Variants in GBA2 observed in about 807,000 individuals in gnomAD.
GBA2 encodes the protein non-lysosomal glucosylceramidase.
In GBA2, 79 loss-of-function variants were observed where a neutral mutation model predicts 112.9. The observed-to-expected ratio is 0.70, with a 90% confidence interval of 0.58 to 0.84. The LOEUF (loss-of-function observed/expected upper bound fraction) is 0.84. Among genes scored for constraint, GBA2 ranks in the 40% least tolerant of loss-of-function variants. The pLI is 0.00. For synonymous variants in GBA2, 403 were observed against 434.3 expected, an observed-to-expected ratio of 0.93 and a Z score of 0.90; for missense variants, 1,043 against 1,190.0, an observed-to-expected ratio of 0.88 and a Z score of 1.82.
chr9:35,744,791 C>A (rs1267437880), intron 1 of GBA2, 85 bp from the exon 2 acceptor site: 1 of 764,484 alleles, frequency 1.3e-6, no homozygotes, highest in African/African-American at 1.7e-5. Context: ...TCTGTGACCT[C>A]CCATTAAATG....
In GBA2 at chr9:35,737,101, G is replaced by C. The variant is rs1167565082; in HGVS notation, c.*68C>G. 3.2e-6 allele frequency: 5 copies of C among 1,552,004 alleles called. No homozygotes were observed. The highest frequency in any genetic ancestry group is 2.2e-5 in the East Asian group (1 of 44,452). On this transcript the variant is annotated 3_prime_UTR_variant, in exon 17 of 17. Coordinates refer to ENST00000378103, the MANE Select transcript of GBA2 (RefSeq NM_020944.3). This position sits in a 1 kb window ranked among gnomAD's most constrained non-coding sequence, Gnocchi z 4.1. Reference sequence around the variant, plus strand: ...ATGGCTCAGGGTTGCAGGAGGTTCAGAGGGGAAGGAGGAAAGGCCAGGCTG... The same window carrying C: ...ATGGCTCAGGGTTGCAGGAGGTTCACAGGGGAAGGAGGAAAGGCCAGGCTG...
Position 35,737,387 on chromosome 9 carries a change from G to A in GBA2, c.2566C>T (p.Leu856=). The A allele has an allele frequency of 1.2e-6, 2 of 1,614,180 alleles. No homozygotes were observed. Among genetic ancestry groups the A allele is most frequent in the Non-Finnish European group, 8.5e-7 (1 of 1,180,014 alleles). The change falls in exon 17 of 17, where the codon CTG becomes TTG. Residue 856 remains leucine (L), a synonymous_variant. Transcript: ENST00000378103. The surrounding 1 kb of genome is among the most constrained non-coding windows in gnomAD (Gnocchi z 4.1). The part of the protein sequence containing the change: ...EGCYRTVWER[L]GLAFQTPEAY... ...TCTGGGGTCTGGAAGGCCAGACCCA[G>A]GCGCTCCCACACGGTACGGTAGCAG...
At chr9:35,738,711 C>A (rs199991178) in intron 12 of GBA2, 41 bp downstream of exon 12, 1 of 1,611,488 alleles carries the variant, frequency 6.2e-7, no homozygotes, top group Non-Finnish European at 8.5e-7. Flanking sequence ...AGACACCAAC[C>A]ATACCCCTGG....
chr9:35,738,200 G>T, intron 14 of GBA2, 32 bp downstream of exon 14: 1 of 1,613,742 alleles, frequency 6.2e-7, no homozygotes, highest in Non-Finnish European at 8.5e-7. Context: ...CCTCTCAGCT[G>T]CCTTAAGACT....
chr9:35,743,732 A>G (rs1276084301), intron 3 of GBA2, among the ~76,000 whole-genome samples: 1 of 152,208 alleles, frequency 6.6e-6, no homozygotes, highest in Non-Finnish European at 1.5e-5. Context: ...ATGCAGGAGC[A>G]AAAGGAAAAA....
In GBA2 at chr9:35,740,090, A is replaced by G. The variant is rs1375794123; in HGVS notation, c.1317T>C (p.Asp439=). 4 of 1,614,054 alleles carry G rather than the reference A, an allele frequency of 2.5e-6. No homozygotes were observed. Among genetic ancestry groups the G allele is most frequent in the East Asian group, 4.5e-5 (2 of 44,862 alleles). ...CATAGTGGCTGAGGGCAGGTGCTGC[A>G]TCTCCATCCTGGCCAAAGAACCTTG... is the stretch of plus-strand genomic sequence containing the variant. ...RYTRFFGQDG[D]AAPALSHYAL... is the part of the protein sequence containing the mutation. The change falls in exon 8 of 17, where the codon GAT becomes GAC. Residue 439 remains aspartate, a synonymous_variant. Coordinates refer to ENST00000378103, the MANE Select transcript of GBA2 (RefSeq NM_020944.3). The surrounding 1 kb of genome is among the most constrained non-coding windows in gnomAD (Gnocchi z 4.7).
rs771603994 is a variant in GBA2 at position 35,748,550 on chromosome 9, C to T, written c.155G>A (p.Arg52Gln). The T allele has an allele frequency of 6.2e-7, 1 of 1,614,032 alleles. No homozygotes were observed. The highest frequency in any genetic ancestry group is 1.3e-5 in the African/African-American group (1 of 74,916). ...GCAGCAGTCCGTCTCTTTTGGGGGT[C>T]GGCTGTCTTCGGGACTCTTACAGTC... The part of the protein sequence containing the change: ...VTDCKSPEDS[R>Q]PPKETDCCNP... The change falls in exon 1 of 17, where the codon CGA (arginine) becomes CAA (glutamine). Residue 52 changes from arginine (R) to glutamine (Q), a missense_variant. Coordinates refer to ENST00000378103, the MANE Select transcript of GBA2 (RefSeq NM_020944.3).
chr9:35,740,434 A>T lies in GBA2; in HGVS notation c.1130-72T>A. 1.3e-6 allele frequency: 2 copies of T among 1,585,538 alleles called. No homozygotes were observed. ...AGGGATAGGGATCCCTAACATGGAAACAAGGCCTACTTATTACCAGGCCTC... is the reference window on the plus strand; with the variant it reads ...AGGGATAGGGATCCCTAACATGGAATCAAGGCCTACTTATTACCAGGCCTC... On this transcript the variant is annotated intron_variant, in intron 6 of 16. Transcript: ENST00000378103. This position sits in a 1 kb window ranked among gnomAD's most constrained non-coding sequence, Gnocchi z 4.7.
chr9:35,749,152 G>C lies in GBA2; in HGVS notation c.-448C>G, dbSNP rs1224138041. Reference sequence around the variant, plus strand: ...GCCAGGTCCCGCCGGCCGGCTCCGGGGCAGCGCCCGCGCCCAGGTGCCAGC... The same window carrying C: ...GCCAGGTCCCGCCGGCCGGCTCCGGCGCAGCGCCCGCGCCCAGGTGCCAGC... On this transcript the variant is annotated 5_prime_UTR_variant, in exon 1 of 17. Coordinates refer to ENST00000378103, the MANE Select transcript of GBA2 (RefSeq NM_020944.3). The surrounding 1 kb of genome is among the most constrained non-coding windows in gnomAD (Gnocchi z 4.4). The C allele has an allele frequency of 3.5e-6, 1 of 283,246 alleles. No homozygotes were observed. Among genetic ancestry groups the C allele is most frequent in the East Asian group, 1.7e-4 (1 of 6,008 alleles). 17.5% of individuals were successfully genotyped at this position (283,246 alleles called of 1,614,324 possible). A position where few individuals can be genotyped will look rare whatever the true frequency, so the allele number is the denominator to read the frequency against.
Position 35,741,973 on chromosome 9 carries a change from C to G in GBA2, c.568-83G>C. The G allele has an allele frequency of 1.2e-6, 1 of 855,426 alleles. No individual in the cohort carries two copies. The highest frequency in any genetic ancestry group is 1.9e-6 in the Non-Finnish European group (1 of 517,640). 53.0% of individuals were successfully genotyped at this position (855,426 alleles called of 1,614,324 possible). On this transcript the variant is annotated intron_variant, in intron 3 of 16. Transcript: ENST00000378103. This position sits in a 1 kb window ranked among gnomAD's most constrained non-coding sequence, Gnocchi z 4.6. ...TCCCTCTCCTCAAATCAGCTCCTCC[C>G]CTTTCAGAGCCTGCAACTGTTACCA...
chr9:35,738,951 A>G, intron 11 of GBA2, 48 bp from the exon 12 acceptor site: 1 of 1,610,088 alleles, frequency 6.2e-7, no homozygotes, highest in Non-Finnish European at 8.5e-7. Flanking sequence ...TGGATAGGGT[A>G]GAGGGTGCAA....
chr9:35,748,349 A>C lies in GBA2; in HGVS notation c.356T>G (p.Leu119Trp). 2 of 1,595,490 alleles carry C rather than the reference A, an allele frequency of 1.3e-6. No homozygotes were observed. The highest frequency in any genetic ancestry group is 1.7e-6 in the Non-Finnish European group (2 of 1,164,942). ...CTAGGCAATGGGGTCTACTCACCTC[A>C]AGCCCATGCCTATATGCTTTATCAT... is the stretch of plus-strand genomic sequence containing the variant. The part of the protein sequence containing the change: ...SNMIKHIGMG[L>W]RYLQWWYRKT... The change falls in exon 1 of 17, where the codon TTG becomes TGG. Residue 119 changes from leucine to tryptophan, a missense_variant. Leu to Trp is a moderately conservative substitution (Grantham distance 61). Transcript: ENST00000378103.
chr9:35,739,537 C>A (rs1826501091), intron 9 of GBA2, 91 bp downstream of exon 9: 2 of 1,340,514 alleles, frequency 1.5e-6, no homozygotes, highest in African/African-American at 2.9e-5. Context: ...ACCCAACACC[C>A]CCTCATCCTA....
Position 35,741,545 on chromosome 9 carries a change from G to A in GBA2, c.786+127C>T, listed in dbSNP as rs922169906. 4 of 740,010 alleles carry A rather than the reference G, an allele frequency of 5.4e-6. No homozygotes were observed. Among genetic ancestry groups the A allele is most frequent in the East Asian group, 2.5e-5 (1 of 40,558 alleles). The allele number at this position is 740,010 out of a possible 1,614,324, so 45.8% of individuals were successfully genotyped here. A position where few individuals can be genotyped will look rare whatever the true frequency, so the allele number is the denominator to read the frequency against. ...GATCTCCTGATCTCATGATCCGCCT[G>A]CCTTGGCCTCCCAAAGTGTTGGGAT... is the stretch of plus-strand genomic sequence containing the variant. On this transcript the variant is annotated intron_variant, in intron 4 of 16. Transcript: ENST00000378103. This position sits in a 1 kb window ranked among gnomAD's most constrained non-coding sequence, Gnocchi z 4.6.
intron 13 of GBA2, 61 bp downstream of exon 13, chr9:35,738,465 C>T: frequency 6.3e-7 from 1 of 1,587,060 alleles, no homozygotes; most frequent in Middle Eastern, 1.7e-4. Flanking sequence ...TTCTTGAGCC[C>T]TACAATCCCT....
intron 3 of GBA2, among the ~76,000 whole-genome samples, chr9:35,742,736 G>A (rs952337973): frequency 3.3e-5 from 5 of 152,162 alleles, no homozygotes; most frequent in Non-Finnish European, 5.9e-5. Flanking sequence ...TAGCACTGAT[G>A]TGGTCTCACA....
chr9:35,748,133 G>A (rs1051577237), intron 1 of GBA2, among the ~76,000 whole-genome samples: 18 of 152,202 alleles, frequency 1.2e-4, no homozygotes, highest in African/African-American at 4.3e-4. Flanking sequence ...CTTTCCTTCT[G>A]AAAAGACAAA....
chr9:35,747,716 T>G (rs974202276), intron 1 of GBA2, among the ~76,000 whole-genome samples: 1 of 152,224 alleles, frequency 6.6e-6, no homozygotes, highest in South Asian at 2.1e-4. Context: ...GGGATCTAGA[T>G]GGGTTCTACA....
In GBA2 at chr9:35,739,945, C is replaced by A; in HGVS notation, c.1409+53G>T. ...GTGGGTGGAGAGTAAATCGAGGAGT[C>A]CCATTTGGAGTGAGTGCCCAGGAGA... On this transcript the variant is annotated intron_variant, in intron 8 of 16. Transcript: ENST00000378103. 3 of 1,604,664 alleles carry A rather than the reference C, an allele frequency of 1.9e-6. No individual in the cohort carries two copies. In the South Asian group the frequency reaches 3.3e-5, roughly 18 times the overall value.
Sources: allele counts gnomAD v4.1 joint callset (sites outside exome capture counted in the v4.1 genomes callset), GRCh38; gene constraint gnomAD v4.1.1; non-coding constraint Gnocchi (gnomAD v3.1); transcripts MANE v1.5; gene names NCBI Gene and HGNC (gene_info 2026-07-23, HGNC 2026-07-21).